MNAT1: variants seen among roughly 807,000 people sequenced by gnomAD.
MNAT1 encodes CDK-activating kinase assembly factor MAT1.
MNAT1 carries 43 observed loss-of-function variants against 42.0 expected under a neutral mutation model. The observed-to-expected ratio is 1.02, with a 90% CI of 0.80 to 1.32. MNAT1 has a LOEUF of 1.32. Among genes scored for constraint, MNAT1 ranks in the 40% most tolerant of loss-of-function variants. MNAT1 has a pLI of 0.00. For missense variants in MNAT1, 306 were observed against 350.4 expected, an observed-to-expected ratio of 0.87 and a Z score of 1.01; for synonymous variants, 118 against 120.0, an observed-to-expected ratio of 0.98 and a Z score of 0.11.
rs562346759 is a variant in MNAT1 at position 60,740,553 on chromosome 14, G to A, written c.89+5602G>A. 1.2e-3 allele frequency among the ~76,000 whole-genome samples: 184 copies of A among 152,240 alleles called. 1 individual carries two copies. The highest frequency in any genetic ancestry group is 4.2e-3 in the African/African-American group (175 of 41,542). On this transcript the variant is annotated intron_variant, in intron 1 of 7. Coordinates refer to ENST00000261245, the MANE Select transcript of MNAT1 (RefSeq NM_002431.4). This position sits in a 1 kb window ranked among gnomAD's most constrained non-coding sequence, Gnocchi z 4.1. ...TATTTGTTGATAAGAATAATAAGTG[G>A]TGTTAACTCATTTAATATACTGATC...
chr14:60,913,136 C>T (rs2035420059), intron 7 of MNAT1, among the ~76,000 whole-genome samples: 1 of 152,198 alleles, frequency 6.6e-6, no homozygotes, highest in Non-Finnish European at 1.5e-5. Context: ...GAGGCTTGTG[C>T]ATTCATCACG....
chr14:60,888,585 A>T (rs1353585593), intron 7 of MNAT1, among the ~76,000 whole-genome samples: 1 of 151,460 alleles, frequency 6.6e-6, no homozygotes, highest in African/African-American at 2.4e-5. Context: ...ATAGTGTTGG[A>T]AGTTCTGGCC....
Position 60,914,177 on chromosome 14 carries a change from C to T in MNAT1, c.809+34342C>T, listed in dbSNP as rs111453744. ...CCGTTTGTTAAGCCTGTTGGAAGAG[C>T]GCAGTATTAGGGTGGGAGTGACCCA... On this transcript the variant is annotated intron_variant, in intron 7 of 7. Transcript: ENST00000261245. Among the ~76,000 whole-genome samples the T allele has an allele frequency of 3.2e-3, 490 of 152,246 alleles. 1 individual carries two copies. Among genetic ancestry groups the T allele is most frequent in the African/African-American group, 0.011 (455 of 41,508 alleles).
chr14:60,888,245 C>T (rs1170399730), intron 7 of MNAT1, among the ~76,000 whole-genome samples: 2 of 150,170 alleles, frequency 1.3e-5, no homozygotes, highest in Non-Finnish European at 3.0e-5. Context: ...AAAAGCTTAT[C>T]CACCATGATC....
At chr14:60,825,059 A>G (rs2033015422) in intron 6 of MNAT1, among the ~76,000 whole-genome samples, 1 of 152,174 alleles carries the variant, frequency 6.6e-6, no homozygotes, top group African/African-American at 2.4e-5. Flanking sequence ...GTTATTTACA[A>G]CATATGTAAC....
chr14:60,771,970 A>G (rs553186724), intron 1 of MNAT1, among the ~76,000 whole-genome samples: 2 of 152,342 alleles, frequency 1.3e-5, no homozygotes, highest in East Asian at 3.9e-4. Context: ...GTAAAACTAA[A>G]CAATAATGGA....
At chr14:60,813,111 C>T (rs1421875208) in intron 5 of MNAT1, among the ~76,000 whole-genome samples, 1 of 152,182 alleles carries the variant, frequency 6.6e-6, no homozygotes, top group Non-Finnish European at 1.5e-5. Context: ...GGTTGTGGGC[C>T]CCCTCACCTG....
At chr14:60,839,415 T>C (rs2033484228) in intron 6 of MNAT1, among the ~76,000 whole-genome samples, 1 of 152,172 alleles carries the variant, frequency 6.6e-6, no homozygotes, top group Non-Finnish European at 1.5e-5. Context: ...CTCAGAGCTG[T>C]TCTTTTGTTC....
intron 6 of MNAT1, among the ~76,000 whole-genome samples, chr14:60,844,699 A>G (rs1475998883): frequency 6.6e-6 from 1 of 151,970 alleles, no homozygotes; most frequent in Admixed American, 6.6e-5. Context: ...GCAGTGCCTT[A>G]TTCCCCACCT....
chr14:60,939,699 G>A lies in MNAT1; in HGVS notation c.810-28530G>A, dbSNP rs138722110. ...GGTGTGGTGTGGTGCTGAAAAGAAT[G>A]TATATTCTGTTGATTTGGGTTGGAG... On this transcript the variant is annotated intron_variant, in intron 7 of 7. Coordinates refer to ENST00000261245, the MANE Select transcript of MNAT1 (RefSeq NM_002431.4). Among the ~76,000 whole-genome samples, 137 of 152,306 alleles carry A rather than the reference G, an allele frequency of 9.0e-4. 1 individual carries two copies. Among genetic ancestry groups the A allele is most frequent in the African/African-American group, 3.1e-3 (127 of 41,572 alleles).
intron 3 of MNAT1, among the ~76,000 whole-genome samples, chr14:60,806,620 A>T (rs2032376808): frequency 6.6e-6 from 1 of 152,232 alleles, no homozygotes; most frequent in South Asian, 2.1e-4. Flanking sequence ...ACTTGAGGCC[A>T]GGAGTTCAAG....
chr14:60,780,297 A>G, intron 1 of MNAT1: 7 of 1,494,830 alleles, frequency 4.7e-6, no homozygotes, highest in Non-Finnish European at 5.6e-6. Flanking sequence ...ATTGAGTGTG[A>G]TAAGACTGCA....
At chr14:60,881,988 CG>C (rs2034561005) in intron 7 of MNAT1, among the ~76,000 whole-genome samples, 1 of 151,840 alleles carries the variant, frequency 6.6e-6, no homozygotes, top group Non-Finnish European at 1.5e-5. Flanking sequence ...GATGAAACCC[CG>C]ACTCTACTAA....
At position 60,734,939 on chromosome 14, in the gene MNAT1, G is replaced by A. The variant is rs1176370556; in HGVS notation, c.77G>A (p.Cys26Tyr). The A allele has an allele frequency of 6.2e-7, 1 of 1,614,176 alleles. No homozygotes were observed. Among genetic ancestry groups the A allele is most frequent in the South Asian group, 1.1e-5 (1 of 91,086 alleles). The change falls in exon 1 of 8, where the codon TGC becomes TAC. Residue 26 changes from cysteine to tyrosine, a missense_variant. Coordinates refer to ENST00000261245, the MANE Select transcript of MNAT1 (RefSeq NM_002431.4). This position sits in a 1 kb window ranked among gnomAD's most constrained non-coding sequence, Gnocchi z 4.3. Reference sequence around the variant, plus strand: ...TCCTTGAAGCTGATGGTGAATGTGTGCGGACACACTCTGTGAGTTGGGCGG... The same window carrying A: ...TCCTTGAAGCTGATGGTGAATGTGTACGGACACACTCTGTGAGTTGGGCGG... Reference protein sequence around the residue: ...NPSLKLMVNVCGHTLCESCVD... With the variant: ...NPSLKLMVNVYGHTLCESCVD...
intron 1 of MNAT1, among the ~76,000 whole-genome samples, chr14:60,754,535 G>C (rs2030250724): frequency 6.6e-6 from 1 of 151,824 alleles, no homozygotes; most frequent in African/African-American, 2.4e-5. Context: ...ATTTTTAGTA[G>C]AGACGGGGTT....
At chr14:60,745,279 T>C (rs1896580584) in intron 1 of MNAT1, among the ~76,000 whole-genome samples, 1 of 152,174 alleles carries the variant, frequency 6.6e-6, no homozygotes, top group Non-Finnish European at 1.5e-5. Context: ...TGCACTTTAT[T>C]TTATGGTTGC....
chr14:60,734,769 G>T lies in MNAT1; in HGVS notation c.-94G>T, dbSNP rs1896253393. ...AAGGGACCGTCTCTGCCAAGCGCCT[G>T]TTGGTAGGAACCTGCTTGGTCGCGT... On this transcript the variant is annotated 5_prime_UTR_variant, in exon 1 of 8. Transcript: ENST00000261245. The surrounding 1 kb of genome is among the most constrained non-coding windows in gnomAD (Gnocchi z 4.3). 5.2e-6 allele frequency: 6 copies of T among 1,151,728 alleles called. No homozygotes were observed. The East Asian group carries it at 1.4e-4, about 27-fold the overall frequency. The allele number at this position is 1,151,728 out of a possible 1,614,324, so 71.3% of individuals were successfully genotyped here.
At chr14:60,758,371 A>T (rs2030452884) in intron 1 of MNAT1, among the ~76,000 whole-genome samples, 1 of 151,818 alleles carries the variant, frequency 6.6e-6, no homozygotes, top group South Asian at 2.1e-4. Flanking sequence ...ACACCTGGCT[A>T]ATTTATCTTT....
chr14:60,774,801 ATG>A (rs948187664), intron 1 of MNAT1, among the ~76,000 whole-genome samples: 16 of 152,316 alleles, frequency 1.1e-4, no homozygotes, highest in Admixed American at 3.9e-4. Context: ...ATTAGCAACT[ATG>A]TGGATTGTGT....
Sources: allele counts gnomAD v4.1 joint callset (sites outside exome capture counted in the v4.1 genomes callset), GRCh38; gene constraint gnomAD v4.1.1; non-coding constraint Gnocchi (gnomAD v3.1); transcripts MANE v1.5; gene names NCBI Gene and HGNC (gene_info 2026-07-23, HGNC 2026-07-21).